The following UTS2 variants were observed in gnomAD, a reference collection of about 807,000 sequenced individuals.
The protein encoded by UTS2 is urotensin 2.
A neutral mutation model predicts 12.6 loss-of-function variants in UTS2; 10 were observed. The observed-to-expected ratio is 0.80, with a 90% CI of 0.49 to 1.35. UTS2 has a LOEUF of 1.35. Ranked by LOEUF, UTS2 falls within the 40% of genes most tolerant of loss-of-function variation. The pLI, the probability that UTS2 is intolerant of heterozygous loss-of-function variation, is 0.00. For missense variants in UTS2, 142 were observed against 143.2 expected, an observed-to-expected ratio of 0.99 and a Z score of 0.04; for synonymous variants, 52 against 50.0, an observed-to-expected ratio of 1.04 and a Z score of -0.17.
At chr1:7,855,974 A>G (rs1638297597), upstream of UTS2, among the ~76,000 whole-genome samples, 1 of 151,726 alleles carries the variant, frequency 6.6e-6, no homozygotes, top group African/African-American at 2.4e-5. Context: ...CTCTGGGATT[A>G]CAGGCGCAAA....
intron 1 of UTS2, 117 bp downstream of exon 1, chr1:7,852,784 G>A (rs2097415397): frequency 8.4e-7 from 1 of 1,192,344 alleles, no homozygotes; most frequent in African/African-American, 1.6e-5. Context: ...TGGGACTATT[G>A]AGAGAACAAG....
At chr1:7,902,460 G>A in the UTS2 span, among the ~76,000 whole-genome samples, 12,964 of 152,226 alleles carry the variant, frequency 0.085, 1,818 homozygotes, top group African/African-American at 0.29. Context: ...TGGGTCGTCA[G>A]TGCGGCTTTT....
upstream of UTS2, among the ~76,000 whole-genome samples, chr1:7,856,568 A>C (rs1024932684): frequency 3.3e-4 from 12 of 36,464 alleles, no homozygotes; most frequent in Admixed American, 2.3e-4. Flanking sequence ...GGGCAAATAA[A>C]GTGAAGAGAG....
chr1:7,912,875 G>A, the UTS2 span, among the ~76,000 whole-genome samples: 1 of 151,270 alleles, frequency 6.6e-6, no homozygotes, highest in African/African-American at 2.4e-5. Flanking sequence ...TTGTAACCAC[G>A]TACCCCCATT....
upstream of UTS2, among the ~76,000 whole-genome samples, chr1:7,857,876 T>C (rs1638346317): frequency 1.3e-5 from 2 of 151,566 alleles, no homozygotes; most frequent in Non-Finnish European, 2.9e-5. Flanking sequence ...AAAAAGCTGT[T>C]TTACATTGTC....
intron 1 of UTS2, among the ~76,000 whole-genome samples, chr1:7,852,176 G>A (rs982037824): frequency 9.2e-5 from 14 of 151,966 alleles, no homozygotes; most frequent in Non-Finnish European, 2.9e-5. Context: ...TTTAAAAAAA[G>A]CCTATTTAAA....
chr1:7,906,513 AGG>A, the UTS2 span, among the ~76,000 whole-genome samples: 7 of 124,732 alleles, frequency 5.6e-5, no homozygotes, highest in East Asian at 2.7e-4. Flanking sequence ...GAAAGAAAAG[AGG>A]GAGGGAGGGA....
the UTS2 span, among the ~76,000 whole-genome samples, chr1:7,894,703 C>T: frequency 1.1e-3 from 168 of 152,196 alleles, 1 homozygote; most frequent in African/African-American, 3.7e-3. Context: ...AAAATATGGC[C>T]GGGCGCGGTG....
chr1:7,911,801 T>G, the UTS2 span, among the ~76,000 whole-genome samples: 14 of 150,614 alleles, frequency 9.3e-5, no homozygotes, highest in Non-Finnish European at 1.8e-4. Context: ...CTCGGGAGGC[T>G]GAGGCAGGAG....
At chr1:7,896,409 A>G in the UTS2 span, among the ~76,000 whole-genome samples, 1 of 152,210 alleles carries the variant, frequency 6.6e-6, no homozygotes, top group Non-Finnish European at 1.5e-5. Context: ...GTAACTGAGC[A>G]TTAATCTTAT....
the UTS2 span, among the ~76,000 whole-genome samples, chr1:7,869,329 C>T: frequency 6.6e-6 from 1 of 152,192 alleles, no homozygotes; most frequent in East Asian, 1.9e-4. Context: ...AGGGCAGCCC[C>T]CGGCGGCTGG....
intron 3 of UTS2, among the ~76,000 whole-genome samples, chr1:7,849,178 T>C (rs1023419254): frequency 6.6e-6 from 1 of 152,010 alleles, no homozygotes; most frequent in African/African-American, 2.4e-5. Flanking sequence ...AATCAAAATT[T>C]GGAAAAATTA....
At chr1:7,885,697 C>T in the UTS2 span, among the ~76,000 whole-genome samples, 10 of 151,420 alleles carry the variant, frequency 6.6e-5, no homozygotes, top group African/African-American at 2.4e-4. Flanking sequence ...GCCAGAGGGG[C>T]GGGGCCAAGG....
At chr1:7,902,955 C>T in the UTS2 span, among the ~76,000 whole-genome samples, 2 of 151,872 alleles carry the variant, frequency 1.3e-5, no homozygotes, top group South Asian at 2.1e-4. Context: ...TGTGGTAGAG[C>T]GTTTTTTGTT....
chr1:7,898,435 C>A, the UTS2 span, among the ~76,000 whole-genome samples: 9 of 151,868 alleles, frequency 5.9e-5, no homozygotes, highest in Non-Finnish European at 1.0e-4. Flanking sequence ...GGTGCTCTGA[C>A]CAGGTATCTC....
the UTS2 span, among the ~76,000 whole-genome samples, chr1:7,894,805 C>G: frequency 6.6e-6 from 1 of 151,268 alleles, no homozygotes; most frequent in South Asian, 2.1e-4. Context: ...ATGGTGAAAC[C>G]CTGTCTCTAC....
chr1:7,852,377 A>G (rs2097415050), intron 1 of UTS2, among the ~76,000 whole-genome samples: 1 of 152,186 alleles, frequency 6.6e-6, no homozygotes, highest in Non-Finnish European at 1.5e-5. Flanking sequence ...AAAGGAAACG[A>G]TCAATATACT....
At chr1:7,850,609 G>T (rs1398562702) in intron 2 of UTS2, among the ~76,000 whole-genome samples, 1 of 152,178 alleles carries the variant, frequency 6.6e-6, no homozygotes, top group East Asian at 1.9e-4. Flanking sequence ...AAATGCTGAG[G>T]TACCAAAGAG....
At chr1:7,912,903 A>AT in the UTS2 span, among the ~76,000 whole-genome samples, 836 of 144,130 alleles carry the variant, frequency 5.8e-3, 5 homozygotes, top group Middle Eastern at 7.4e-3. Context: ...GAAATCGTTT[A>AT]TTTTTTTTTT....
Sources: allele counts gnomAD v4.1 joint callset (sites outside exome capture counted in the v4.1 genomes callset), GRCh38; gene constraint gnomAD v4.1.1; transcripts MANE v1.5; gene names NCBI Gene and HGNC (gene_info 2026-07-23, HGNC 2026-07-21).